The following PNKP variants were observed in gnomAD, a reference collection of about 807,000 sequenced individuals.
PNKP encodes bifunctional polynucleotide phosphatase/kinase.
Under a neutral mutation model 66.2 loss-of-function variants are expected in PNKP, and 82 were observed. The ratio of observed to expected loss-of-function variants is 1.24; its 90% CI spans 1.04 to 1.49. PNKP has a LOEUF of 1.49. PNKP is among the 40% of genes most tolerant of loss of function. The pLI, the probability that PNKP is intolerant of heterozygous loss-of-function variation, is 0.00. For missense variants in PNKP, 907 were observed against 706.8 expected (o/e 1.28, Z -3.21); for synonymous variants, 412 against 298.9 (o/e 1.38, Z -3.90).
At chr19:49,861,736 C>T in intron 14 of PNKP, 36 bp downstream of exon 14, 1 of 1,552,454 alleles carries the variant, frequency 6.4e-7, no homozygotes, top group Non-Finnish European at 8.7e-7. Context: ...CCGCCCACCC[C>T]GCCGCAGGCC....
chr19:49,867,365 C>T (rs2074829747), intron 1 of PNKP, 104 bp downstream of exon 1: 3 of 805,918 alleles, frequency 3.7e-6, no homozygotes, highest in Admixed American at 5.4e-5. Flanking sequence ...CGACCCGTTT[C>T]CCAGGCGACG....
Position 49,861,450 on chromosome 19 carries a change from T to C in PNKP, c.1447A>G (p.Arg483Gly). The C allele has an allele frequency of 6.2e-7, 1 of 1,613,902 alleles. No homozygotes were observed. Among genetic ancestry groups the C allele is most frequent in the Non-Finnish European group, 8.5e-7 (1 of 1,179,906 alleles). Residue 483 changes from arginine (R) to glycine (G), a missense_variant and splice_region_variant, in exon 16 of 17, where the codon AGG (arginine) becomes GGG (glycine). Coordinates refer to ENST00000322344, the MANE Select transcript of PNKP (RefSeq NM_007254.4). ...GCCCCCTGCTATCCCCAACAGTACC[T>C]GTAGCCATACATGACCATGTCTGAC... The part of the protein sequence containing the change: ...PVSDMVMYGY[R>G]KQFEAPTLAE...
chr19:49,862,537 C>A lies in PNKP; in HGVS notation c.936+1G>T, dbSNP rs1443804259. ...CGCGGGGCAGGGGGCAGGGGCCTCA[C>A]CAGGCGATCGGCGCAGGAGAAGTCT... On this transcript the variant is annotated splice_donor_variant, in intron 10 of 16. Coordinates refer to ENST00000322344, the MANE Select transcript of PNKP (RefSeq NM_007254.4). LOFTEE classifies it high-confidence loss of function. 2.5e-6 allele frequency: 4 copies of A among 1,609,116 alleles called. No homozygotes were observed. Among genetic ancestry groups the A allele is most frequent in the South Asian group, 1.1e-5 (1 of 90,482 alleles).
chr19:49,863,166 T>C (rs1050616825), intron 8 of PNKP, among the ~76,000 whole-genome samples: 3 of 152,194 alleles, frequency 2.0e-5, no homozygotes, highest in Non-Finnish European at 2.9e-5. Context: ...CCTCAGGGCC[T>C]TTGCACTTGC....
rs779492301 is a variant in PNKP at position 49,864,363 on chromosome 19, C to T, written c.539G>A (p.Arg180His). 4 of 1,614,060 alleles carry T rather than the reference C, an allele frequency of 2.5e-6. No homozygotes were observed. Among genetic ancestry groups the T allele is most frequent in the East Asian group, 2.2e-5 (1 of 44,890 alleles). Residue 180 changes from arginine (R) to histidine (H), a missense_variant, in exon 5 of 17, where the codon CGC becomes CAC. Arg to His is a conservative substitution (Grantham distance 29). Transcript: ENST00000322344. ...FDLDGTLITT[R>H]SGKVFPTGPS... ...GCCAGTGGGAAAGACCTTCCCAGAG[C>T]GTGTGGTGATGAGCGTCCCGTCCAG...
intron 15 of PNKP, 31 bp downstream of exon 15, chr19:49,861,577 C>A: frequency 1.9e-6 from 3 of 1,557,750 alleles, no homozygotes; most frequent in Non-Finnish European, 2.6e-6. Context: ...GGGGGTGCAG[C>A]CCGGGGGGTG....
chr19:49,866,335 G>C, intron 3 of PNKP, 64 bp downstream of exon 3: 1 of 1,451,456 alleles, frequency 6.9e-7, no homozygotes, highest in Non-Finnish European at 9.7e-7. Flanking sequence ...CTTCACTGAC[G>C]GCTTGCAATT....
intron 7 of PNKP, 87 bp downstream of exon 7, chr19:49,863,877 C>A: frequency 7.3e-7 from 1 of 1,371,704 alleles, no homozygotes; most frequent in Non-Finnish European, 1.0e-6. Flanking sequence ...CTGCCTGAGG[C>A]CTCCGCCCCG....
In PNKP at chr19:49,862,565, C is replaced by T; in HGVS notation, c.909G>A (p.Lys303=). 5 of 1,612,660 alleles carry T rather than the reference C, an allele frequency of 3.1e-6. No individual in the cohort carries two copies. Among genetic ancestry groups the T allele is most frequent in the Non-Finnish European group, 4.2e-6 (5 of 1,179,338 alleles). ...RPANWAPGRK[K]KDFSCADRLF... ...GGCGATCGGCGCAGGAGAAGTCTTT[C>T]TTCTTCCGCCCCGGGGCCCAGTTGG... Residue 303 remains lysine, a synonymous_variant, in exon 10 of 17, where the codon AAG becomes AAA. Transcript: ENST00000322344.
rs761908364 is a variant in PNKP at position 49,862,323 on chromosome 19, C to G, written c.1030-42G>C. ...ACACGCGTGAGATGCCGTCCCCATC[C>G]CCGGGAGCCCTCCCATCCCCACCCC... On this transcript the variant is annotated intron_variant, in intron 11 of 16. Transcript: ENST00000322344. 1.9e-6 allele frequency: 3 copies of G among 1,539,760 alleles called. No individual in the cohort carries two copies. In the South Asian group the frequency reaches 3.6e-5, roughly 18 times the overall value.
chr19:49,861,492 A>T lies in PNKP; in HGVS notation c.1405T>A (p.Ser469Thr). ...HNNRFREMTD[S>T]SHIPVSDMVM... ...ATGTCTGACACGGGGATATGAGAGGAGTCCGTCATCTCTCGAAACTGTGGG... is the reference window on the plus strand; with the variant it reads ...ATGTCTGACACGGGGATATGAGAGGTGTCCGTCATCTCTCGAAACTGTGGG... Residue 469 changes from serine to threonine, a missense_variant, in exon 16 of 17, where the codon TCC becomes ACC. Physicochemically the swap from Ser to Thr is moderately conservative, Grantham distance 58. Coordinates refer to ENST00000322344, the MANE Select transcript of PNKP (RefSeq NM_007254.4). 1 of 1,601,942 alleles carries T rather than the reference A, an allele frequency of 6.2e-7. No individual in the cohort carries two copies. The highest frequency in any genetic ancestry group is 8.5e-7 in the Non-Finnish European group (1 of 1,173,646).
At chr19:49,865,634 G>A (rs1261587887) in intron 3 of PNKP, 3 of 546,562 alleles carry the variant, frequency 5.5e-6, no homozygotes, top group African/African-American at 2.3e-5. Context: ...TTCCCCTGGA[G>A]ATATAGGCTT....
rs751718334 is a variant in PNKP, at chr19:49,862,476, G to A, written c.937-13C>T. 1.3e-5 allele frequency: 20 copies of A among 1,594,112 alleles called. No homozygotes were observed. The South Asian group carries it at 1.4e-4, about 11-fold the overall frequency. ...GGTTGAGGGCAAACTAGGGGTTGAGGACGAACATCAGACACAGGCCAGGGT... is the reference window on the plus strand; with the variant it reads ...GGTTGAGGGCAAACTAGGGGTTGAGAACGAACATCAGACACAGGCCAGGGT... On this transcript the variant is annotated splice_polypyrimidine_tract_variant and intron_variant, in intron 10 of 16. Coordinates refer to ENST00000322344, the MANE Select transcript of PNKP (RefSeq NM_007254.4).
rs777095183 is a variant in PNKP, at chr19:49,864,160, G to C, written c.636+19C>G. The C allele has an allele frequency of 4.8e-5, 78 of 1,613,746 alleles. No homozygotes were observed. In the East Asian group the frequency reaches 1.6e-3, roughly 34 times the overall value. ...ACCGCCACGTGCACGTGCCCATGCA[G>C]ACAGGCGGCTGCACATACCTTGTAG... is the stretch of plus-strand genomic sequence containing the variant. On this transcript the variant is annotated intron_variant, in intron 6 of 16. Coordinates refer to ENST00000322344, the MANE Select transcript of PNKP (RefSeq NM_007254.4).
rs1057522106 is a variant in PNKP at position 49,863,746 on chromosome 19, C to T, written c.759G>A (p.Thr253=). 7 of 1,559,514 alleles carry T rather than the reference C, an allele frequency of 4.5e-6. No individual in the cohort carries two copies. The highest frequency in any genetic ancestry group is 2.7e-5 in the African/African-American group (2 of 73,664). ...CCGGCTTCCGGTACAAGCCTGCGTG[C>T]GTGGCCACCAGCACCTGTGGATGGG... is the stretch of plus-strand genomic sequence containing the variant. The part of the protein sequence containing the change: ...LGVPFQVLVA[T]HAGLYRKPVT... The change falls in exon 8 of 17, where the codon ACG becomes ACA. Residue 253 remains threonine, a synonymous_variant. Coordinates refer to ENST00000322344, the MANE Select transcript of PNKP (RefSeq NM_007254.4).
At position 49,865,244 on chromosome 19, in the gene PNKP, T is replaced by C. The variant is rs139679798; in HGVS notation, c.381A>G (p.Gln127=). The change falls in exon 4 of 17, where the codon CAA becomes CAG. Residue 127 remains glutamine (Q), a synonymous_variant. Transcript: ENST00000322344. ...DTPPGTPLVS[Q]DEKRDAELPK... is the part of the protein sequence containing the mutation. The stretch of plus-strand genomic sequence containing the variant: ...GCAGCTCAGCATCTCTCTTCTCATC[T>C]TGGGACACCAGAGGGGTGCCAGGCG... 1.3e-4 allele frequency: 210 copies of C among 1,614,202 alleles called. 3 individuals are homozygous for C. In the South Asian group the frequency reaches 2.2e-3, roughly 17 times the overall value.
Position 49,867,492 on chromosome 19 carries a change from G to C in PNKP, c.-37C>G, listed in dbSNP as rs569096279. The stretch of plus-strand genomic sequence containing the variant: ...ACCCGGGACCGCGGCTTGGGCTCAC[G>C]GCCACTTCCGACCAGGGAGGTCCTG... On this transcript the variant is annotated 5_prime_UTR_variant, in exon 1 of 17. Coordinates refer to ENST00000322344, the MANE Select transcript of PNKP (RefSeq NM_007254.4). The C allele has an allele frequency of 8.2e-6, 4 of 485,226 alleles. No homozygotes were observed. 30.1% of individuals were successfully genotyped at this position (485,226 alleles called of 1,614,324 possible).
rs200183796 is a variant in PNKP, at chr19:49,862,478, C to T, written c.937-15G>A. The stretch of plus-strand genomic sequence containing the variant: ...TTGAGGGCAAACTAGGGGTTGAGGA[C>T]GAACATCAGACACAGGCCAGGGTCG... On this transcript the variant is annotated splice_polypyrimidine_tract_variant and intron_variant, in intron 10 of 16. Transcript: ENST00000322344. 4.4e-6 allele frequency: 7 copies of T among 1,594,104 alleles called. No homozygotes were observed. Among genetic ancestry groups the T allele is most frequent in the East Asian group, 4.6e-5 (2 of 43,954 alleles).
At position 49,861,478 on chromosome 19, in the gene PNKP, G is replaced by C; in HGVS notation, c.1419C>G (p.Pro473=). ...FREMTDSSHI[P]VSDMVMYGYR... The stretch of plus-strand genomic sequence containing the variant: ...AGCCATACATGACCATGTCTGACAC[G>C]GGGATATGAGAGGAGTCCGTCATCT... The change falls in exon 16 of 17, where the codon CCC becomes CCG. Residue 473 remains proline (P), a synonymous_variant. Coordinates refer to ENST00000322344, the MANE Select transcript of PNKP (RefSeq NM_007254.4). 6.2e-7 allele frequency: 1 copy of C among 1,613,864 alleles called. No individual in the cohort carries two copies. Among genetic ancestry groups the C allele is most frequent in the Middle Eastern group, 1.6e-4 (1 of 6,062 alleles).
Sources: allele counts gnomAD v4.1 joint callset (sites outside exome capture counted in the v4.1 genomes callset), GRCh38; gene constraint gnomAD v4.1.1; transcripts MANE v1.5; gene names NCBI Gene and HGNC (gene_info 2026-07-23, HGNC 2026-07-21).